TNFSF4: variants seen among roughly 807,000 people sequenced by gnomAD.
TNFSF4 encodes tumor necrosis factor ligand superfamily member 4.
Under a neutral mutation model 7.3 loss-of-function variants are expected in TNFSF4, and 4 were observed. The observed-to-expected ratio is 0.55, with a 90% CI of 0.27 to 1.25. The LOEUF is 1.25. Ranked by LOEUF, TNFSF4 falls within the 50% of genes most tolerant of loss-of-function variation. The probability of loss-of-function intolerance (pLI) is 0.12; values close to 1 mark genes in which losing one functional copy is unlikely to be tolerated. For synonymous variants in TNFSF4, 76 were observed against 83.7 expected (o/e 0.91, Z 0.50); for missense variants, 181 against 208.8 (o/e 0.87, Z 0.82).
the TNFSF4 span, among the ~76,000 whole-genome samples, chr1:173,346,220 T>G: frequency 6.6e-6 from 1 of 152,110 alleles, no homozygotes; most frequent in Non-Finnish European, 1.5e-5. Context: ...GTAAAACAGT[T>G]GCTTGAACAT....
chr1:173,418,576 T>C, the TNFSF4 span: 2 of 151,768 alleles, frequency 1.3e-5, no homozygotes, highest in East Asian at 3.9e-4. Flanking sequence ...TTGATTTGGC[T>C]GGGAGGAGTG....
At chr1:173,267,614 T>C in the TNFSF4 span, among the ~76,000 whole-genome samples, 1 of 152,162 alleles carries the variant, frequency 6.6e-6, no homozygotes, top group African/African-American at 2.4e-5. Flanking sequence ...GTGGTTTCTG[T>C]GGGTCATGAA....
the TNFSF4 span, among the ~76,000 whole-genome samples, chr1:173,406,806 T>A: frequency 6.6e-6 from 1 of 152,110 alleles, no homozygotes; most frequent in African/African-American, 2.4e-5. Context: ...CTGATCAAAG[T>A]AGCTGGGACC....
the TNFSF4 span, among the ~76,000 whole-genome samples, chr1:173,261,947 T>C: frequency 6.6e-6 from 1 of 152,056 alleles, no homozygotes; most frequent in African/African-American, 2.4e-5. Flanking sequence ...TTTCAAAAAA[T>C]TGAAAAGTAA....
At chr1:173,399,363 C>T in the TNFSF4 span, among the ~76,000 whole-genome samples, 1 of 152,192 alleles carries the variant, frequency 6.6e-6, no homozygotes, top group Non-Finnish European at 1.5e-5. Context: ...TGCAGCACTA[C>T]ATCCCCTTTC....
the TNFSF4 span, among the ~76,000 whole-genome samples, chr1:173,251,179 A>G: frequency 1.3e-5 from 2 of 152,354 alleles, no homozygotes; most frequent in South Asian, 4.1e-4. Flanking sequence ...GGTGTTTAAT[A>G]TGGCAAAAAC....
the TNFSF4 span, among the ~76,000 whole-genome samples, chr1:173,223,721 G>A: frequency 6.6e-6 from 1 of 152,058 alleles, no homozygotes; most frequent in Non-Finnish European, 1.5e-5. Context: ...ACATATCTTA[G>A]AAACCTACAC....
the TNFSF4 span, among the ~76,000 whole-genome samples, chr1:173,226,234 T>C: frequency 6.6e-6 from 1 of 152,204 alleles, no homozygotes; most frequent in Admixed American, 6.5e-5. Flanking sequence ...TCTTAGGCCC[T>C]TTGTCATCCA....
the TNFSF4 span, among the ~76,000 whole-genome samples, chr1:173,333,882 T>C: frequency 2.0e-5 from 3 of 152,136 alleles, no homozygotes; most frequent in African/African-American, 4.8e-5. Context: ...TCAGCTCTCC[T>C]GGTTTTCTGA....
chr1:173,403,651 C>G, the TNFSF4 span, among the ~76,000 whole-genome samples: 1 of 152,160 alleles, frequency 6.6e-6, no homozygotes, highest in Non-Finnish European at 1.5e-5. Context: ...CGCCTGTAAT[C>G]CCAGCACTTT....
chr1:173,218,673 G>A, the TNFSF4 span, among the ~76,000 whole-genome samples: 3 of 151,860 alleles, frequency 2.0e-5, no homozygotes, highest in South Asian at 6.2e-4. Context: ...GTAAAATGTG[G>A]CATTTGGTTA....
chr1:173,375,664 C>CA, the TNFSF4 span, among the ~76,000 whole-genome samples: 3 of 149,302 alleles, frequency 2.0e-5, no homozygotes, highest in Non-Finnish European at 4.4e-5. Context: ...CACCAATCAG[C>CA]CGGATCCTAA....
At chr1:173,202,357 A>C (rs1649983169) in intron 1 of TNFSF4, among the ~76,000 whole-genome samples, 1 of 152,214 alleles carries the variant, frequency 6.6e-6, no homozygotes, top group Non-Finnish European at 1.5e-5. Flanking sequence ...CCCAGATCAA[A>C]ACATATATCT....
At chr1:173,211,782 T>C (rs1329449804), upstream of TNFSF4, among the ~76,000 whole-genome samples, 2 of 152,116 alleles carry the variant, frequency 1.3e-5, no homozygotes, top group East Asian at 3.9e-4. Flanking sequence ...ATTGAGTAGA[T>C]TGTTGATAGG....
At chr1:173,333,352 T>C in the TNFSF4 span, among the ~76,000 whole-genome samples, 2,748 of 152,160 alleles carry the variant, frequency 0.018, 93 homozygotes, top group African/African-American at 0.063. Context: ...CTGACCCTCT[T>C]GCAAGTCAGA....
At chr1:173,369,528 G>A in the TNFSF4 span, among the ~76,000 whole-genome samples, 1 of 152,244 alleles carries the variant, frequency 6.6e-6, no homozygotes, top group Admixed American at 6.5e-5. Flanking sequence ...AGGGACCGTT[G>A]CAGGTTCTTG....
downstream of TNFSF4, among the ~76,000 whole-genome samples, chr1:173,182,952 A>G (rs987780761): frequency 6.6e-6 from 1 of 152,218 alleles, no homozygotes; most frequent in Non-Finnish European, 1.5e-5. Flanking sequence ...GGTTGCTGCC[A>G]TGCCAAAATT....
the TNFSF4 span, among the ~76,000 whole-genome samples, chr1:173,299,134 TGCCAGATTCAACA>T: frequency 4.6e-5 from 7 of 152,066 alleles, no homozygotes; most frequent in South Asian, 8.3e-4. Flanking sequence ...TGCCACTCAG[TGCCAGATTCAACA>T]GCCAGATTCA....
the TNFSF4 span, among the ~76,000 whole-genome samples, chr1:173,359,660 A>G: frequency 0.96 from 145,683 of 152,212 alleles, 70,039 homozygotes; most frequent in East Asian, 1. Context: ...TTTCCTTCTC[A>G]TGTTTATTTT....
Sources: allele counts gnomAD v4.1 joint callset (sites outside exome capture counted in the v4.1 genomes callset), GRCh38; gene constraint gnomAD v4.1.1; transcripts MANE v1.5; gene names NCBI Gene and HGNC (gene_info 2026-07-23, HGNC 2026-07-21).